DAB1: variants seen among roughly 807,000 people sequenced by gnomAD.
DAB1 encodes DAB adaptor protein 1.
A neutral mutation model predicts 64.6 loss-of-function variants in DAB1; 15 were observed. The ratio of observed to expected loss-of-function variants is 0.23; its 90% CI spans 0.16 to 0.36. The LOEUF (loss-of-function observed/expected upper bound fraction) is 0.36, where lower values mean the gene tolerates loss of function less well. Among genes scored for constraint, DAB1 ranks in the 10% least tolerant of loss-of-function variants. The probability of loss-of-function intolerance (pLI) is 1.00; values close to 1 mark genes in which losing one functional copy is unlikely to be tolerated. For missense variants in DAB1, 596 were observed against 706.7 expected, an observed-to-expected ratio of 0.84 and a Z score of 1.78; for synonymous variants, 235 against 251.9, an observed-to-expected ratio of 0.93 and a Z score of 0.64.
intron 1 of DAB1, among the ~76,000 whole-genome samples, chr1:57,309,100 T>A (rs767645360): frequency 6.6e-6 from 1 of 152,202 alleles, no homozygotes; most frequent in Non-Finnish European, 1.5e-5. Flanking sequence ...ATTTTATGTG[T>A]GGTCCAAGGA....
At chr1:57,788,217 A>T (rs1211238313) in intron 6 of DAB1, among the ~76,000 whole-genome samples, 1 of 152,198 alleles carries the variant, frequency 6.6e-6, no homozygotes, top group Non-Finnish European at 1.5e-5. Flanking sequence ...TACATAAATA[A>T]CATTAATATT....
intron 5 of DAB1, among the ~76,000 whole-genome samples, chr1:57,916,481 T>C (rs2102016316): frequency 6.6e-6 from 1 of 152,342 alleles, no homozygotes; most frequent in Middle Eastern, 3.4e-3. Flanking sequence ...CAACAGTATT[T>C]CTAAATGTGT....
At chr1:58,324,535 T>C (rs997016656) in intron 4 of DAB1, among the ~76,000 whole-genome samples, 2 of 152,136 alleles carry the variant, frequency 1.3e-5, no homozygotes, top group Non-Finnish European at 2.9e-5. Context: ...CATCCCCAGT[T>C]GAGCAAGCAT....
chr1:58,371,443 T>A (rs1410008523), intron 3 of DAB1, among the ~76,000 whole-genome samples: 1 of 152,132 alleles, frequency 6.6e-6, no homozygotes, highest in Non-Finnish European at 1.5e-5. Flanking sequence ...GGAACTTACG[T>A]TTAAAGAAGA....
chr1:57,332,830 T>C (rs1051915431), intron 1 of DAB1, among the ~76,000 whole-genome samples: 2 of 152,228 alleles, frequency 1.3e-5, no homozygotes, highest in African/African-American at 2.4e-5. Flanking sequence ...TCCAGACTTC[T>C]TACCCTGTTC....
intron 1 of DAB1, among the ~76,000 whole-genome samples, chr1:57,849,150 G>C (rs1653413378): frequency 6.6e-6 from 1 of 152,136 alleles, no homozygotes. Context: ...TTCATTCTCT[G>C]AAATACCAGC....
At chr1:58,444,231 G>A (rs988592104) in intron 3 of DAB1, among the ~76,000 whole-genome samples, 24 of 152,208 alleles carry the variant, frequency 1.6e-4, no homozygotes, top group Admixed American at 5.2e-4. Flanking sequence ...TACTATGCTA[G>A]AGAACAAGTA....
chr1:58,340,364 C>T (rs186431571), intron 4 of DAB1, among the ~76,000 whole-genome samples: 4 of 152,100 alleles, frequency 2.6e-5, no homozygotes, highest in African/African-American at 7.2e-5. Flanking sequence ...CCTCATGAGC[C>T]GGGCCCCTTA....
intron 4 of DAB1, among the ~76,000 whole-genome samples, chr1:57,091,655 T>C (rs923715509): frequency 2.0e-5 from 3 of 152,190 alleles, no homozygotes; most frequent in Admixed American, 1.3e-4. Context: ...CCAGACTGCC[T>C]GGGGGCCCTG....
chr1:57,596,633 C>T (rs902280332), intron 7 of DAB1, among the ~76,000 whole-genome samples: 3 of 151,872 alleles, frequency 2.0e-5, no homozygotes, highest in African/African-American at 4.8e-5. Context: ...TCCAGCCCAG[C>T]CAGTGCCTCA....
At chr1:57,448,229 C>G (rs1477830627) in intron 7 of DAB1, among the ~76,000 whole-genome samples, 1 of 152,168 alleles carries the variant, frequency 6.6e-6, no homozygotes, top group Non-Finnish European at 1.5e-5. Context: ...ATGTCCCAGG[C>G]AGTCTAAATA....
intron 5 of DAB1, among the ~76,000 whole-genome samples, chr1:57,942,225 C>A (rs1277221453): frequency 2.6e-5 from 4 of 152,158 alleles, no homozygotes; most frequent in African/African-American, 9.7e-5. Context: ...AGTCCAGGCA[C>A]ACTGTAGTCA....
At chr1:57,874,272 G>A (rs976754558) in intron 1 of DAB1, 1 of 152,194 alleles carries the variant, frequency 6.6e-6, no homozygotes, top group African/African-American at 2.4e-5. Flanking sequence ...CAAGCAACAA[G>A]ACCAAAAGAA....
chr1:58,334,137 A>G (rs56162067), intron 4 of DAB1, among the ~76,000 whole-genome samples: 15,564 of 152,190 alleles, frequency 0.1, 1,042 homozygotes, highest in Non-Finnish European at 0.15. Flanking sequence ...ATCTTGACCA[A>G]TGGAATATTG....
At chr1:57,836,799 C>T (rs993354785) in intron 1 of DAB1, among the ~76,000 whole-genome samples, 3 of 152,172 alleles carry the variant, frequency 2.0e-5, no homozygotes, top group Non-Finnish European at 2.9e-5. Context: ...GACACCCTTC[C>T]TATCTCCCTA....
chr1:58,471,199 A>G, intron 3 of DAB1, among the ~76,000 whole-genome samples: 1 of 152,158 alleles, frequency 6.6e-6, no homozygotes, highest in Admixed American at 6.5e-5. Flanking sequence ...CTGGGGTCCT[A>G]TGTTGGTATC....
intron 7 of DAB1, among the ~76,000 whole-genome samples, chr1:57,432,370 C>T (rs1685549256): frequency 1.3e-5 from 2 of 151,820 alleles, no homozygotes; most frequent in African/African-American, 4.8e-5. Flanking sequence ...AGACCTAAAC[C>T]AGCTCCAGAG....
intron 4 of DAB1, among the ~76,000 whole-genome samples, chr1:58,198,620 G>A (rs1325494809): frequency 6.6e-6 from 1 of 152,166 alleles, no homozygotes; most frequent in Admixed American, 6.5e-5. Flanking sequence ...ATTTCTGATA[G>A]AATTGATTCA....
At chr1:57,209,499 A>G (rs972785680) in intron 2 of DAB1, among the ~76,000 whole-genome samples, 48 of 152,170 alleles carry the variant, frequency 3.2e-4, no homozygotes, top group African/African-American at 1.1e-3. Context: ...AATGCCCTTT[A>G]CCTAATCACA....
Sources: allele counts gnomAD v4.1 joint callset (sites outside exome capture counted in the v4.1 genomes callset), GRCh38; gene constraint gnomAD v4.1.1; transcripts MANE v1.5; gene names NCBI Gene and HGNC (gene_info 2026-07-23, HGNC 2026-07-21).